Variants in ADCY5 observed in about 807,000 individuals in gnomAD.
ADCY5 encodes adenylate cyclase 5.
ADCY5 carries 30 observed loss-of-function variants against 119.7 expected under a neutral mutation model. That is an observed-to-expected ratio of 0.25 (90% confidence interval 0.19 to 0.34). The LOEUF (loss-of-function observed/expected upper bound fraction) is 0.34. Among genes scored for constraint, ADCY5 ranks in the 10% least tolerant of loss-of-function variants. The pLI is 1.00. For synonymous variants in ADCY5, 753 were observed against 762.2 expected (o/e 0.99, Z 0.20); for missense variants, 1,324 against 1,775.2 (o/e 0.75, Z 4.57).
intron 1 of ADCY5, among the ~76,000 whole-genome samples, chr3:123,408,528 C>T (rs977707127): frequency 1.3e-5 from 2 of 151,392 alleles, no homozygotes; most frequent in African/African-American, 4.9e-5. Flanking sequence ...CAGTGGCATG[C>T]GCCTGTAGTC....
intron 1 of ADCY5, among the ~76,000 whole-genome samples, chr3:123,362,089 C>T (rs1943267431): frequency 6.6e-6 from 1 of 152,158 alleles, no homozygotes; most frequent in African/African-American, 2.4e-5. Flanking sequence ...TGAATTGTGT[C>T]CACCTTTTGG....
chr3:123,398,289 C>A (rs913143628), intron 1 of ADCY5, among the ~76,000 whole-genome samples: 1 of 152,134 alleles, frequency 6.6e-6, no homozygotes. Context: ...CACACTTTGG[C>A]TGCAGAGTGA....
intron 1 of ADCY5, among the ~76,000 whole-genome samples, chr3:123,366,632 G>C (rs530007976): frequency 9.2e-5 from 14 of 152,302 alleles, no homozygotes; most frequent in Non-Finnish European, 1.6e-4. Context: ...TACACACCAC[G>C]AAACTTGGGG....
chr3:123,369,341 C>A (rs1286478668), intron 1 of ADCY5, among the ~76,000 whole-genome samples: 2 of 152,184 alleles, frequency 1.3e-5, no homozygotes, highest in African/African-American at 4.8e-5. Context: ...AGTTACCCAG[C>A]CTGTGGTGTT....
chr3:123,400,795 T>C (rs1944726900), intron 1 of ADCY5, among the ~76,000 whole-genome samples: 1 of 151,774 alleles, frequency 6.6e-6, no homozygotes, highest in Non-Finnish European at 1.5e-5. Flanking sequence ...AAATACAAAA[T>C]TAGCCAGGTG....
At chr3:123,405,506 G>A (rs1169629126) in intron 1 of ADCY5, among the ~76,000 whole-genome samples, 6 of 152,328 alleles carry the variant, frequency 3.9e-5, no homozygotes, top group South Asian at 2.1e-4. Flanking sequence ...GAGGGAGCAG[G>A]ACAGGAGGGG....
At position 123,447,989 on chromosome 3, in the gene ADCY5, T is replaced by A. The variant is rs1050835014; in HGVS notation, c.557A>T (p.Asp186Val). ...GCCCGAGTCCGCCGAGCTGCCGCCA[T>A]CCCCGGACCCCTCGCCGCCCTCGAC... Reference protein sequence around the residue: ...GAVEGGEGSGDGGSSADSGSG... With the variant: ...GAVEGGEGSGVGGSSADSGSG... Residue 186 changes from aspartate (D) to valine (V), a missense_variant, in exon 1 of 21, where the codon GAT (aspartate) becomes GTT (valine). By Grantham distance (152) the Asp-to-Val change is radical. Transcript: ENST00000462833. The A allele has an allele frequency of 2.2e-6, 3 of 1,338,760 alleles. No homozygotes were observed. The highest frequency in any genetic ancestry group is 2.9e-6 in the Non-Finnish European group (3 of 1,048,862). 82.9% of individuals were successfully genotyped at this position (1,338,760 alleles called of 1,614,324 possible).
chr3:123,378,733 AG>A (rs1304395976), intron 1 of ADCY5, among the ~76,000 whole-genome samples: 4 of 152,232 alleles, frequency 2.6e-5, no homozygotes, highest in African/African-American at 9.6e-5. Flanking sequence ...GCCCTGGCCT[AG>A]GAAACCAACC....
chr3:123,359,043 T>C (rs1370021650), intron 1 of ADCY5, among the ~76,000 whole-genome samples: 1 of 152,026 alleles, frequency 6.6e-6, no homozygotes, highest in African/African-American at 2.4e-5. Context: ...GAGAAATGCA[T>C]GGTTTTGGAG....
chr3:123,393,077 A>T (rs987286166), intron 1 of ADCY5, among the ~76,000 whole-genome samples: 1 of 152,196 alleles, frequency 6.6e-6, no homozygotes, highest in African/African-American at 2.4e-5. Flanking sequence ...AGGCAGGCAC[A>T]GAGGCCCATG....
At chr3:123,319,119 C>T (rs1429973908) in intron 10 of ADCY5, among the ~76,000 whole-genome samples, 1 of 152,024 alleles carries the variant, frequency 6.6e-6, no homozygotes, top group African/African-American at 2.4e-5. Context: ...TTTGGGAGAC[C>T]GAGGCGGGTG....
chr3:123,417,294 T>A (rs1318219498), intron 1 of ADCY5, among the ~76,000 whole-genome samples: 1 of 152,212 alleles, frequency 6.6e-6, no homozygotes, highest in Non-Finnish European at 1.5e-5. Flanking sequence ...TGGCTCTGCA[T>A]CTTCAGGAAG....
chr3:123,353,016 C>T (rs989722133), intron 1 of ADCY5, among the ~76,000 whole-genome samples: 12 of 152,192 alleles, frequency 7.9e-5, no homozygotes, highest in Non-Finnish European at 1.6e-4. Context: ...CAGAGATCAG[C>T]TCCGATGAAT....
At chr3:123,401,337 G>C (rs1944746331) in intron 1 of ADCY5, among the ~76,000 whole-genome samples, 2 of 152,202 alleles carry the variant, frequency 1.3e-5, no homozygotes, top group African/African-American at 4.8e-5. Context: ...AGCACCTGAG[G>C]GCTGGGGAAC....
In ADCY5 at chr3:123,320,790, A is replaced by C; in HGVS notation, c.2089-19T>G. 1 of 1,564,346 alleles carries C rather than the reference A, an allele frequency of 6.4e-7. No homozygotes were observed. On this transcript the variant is annotated intron_variant, in intron 8 of 20. Transcript: ENST00000462833. ...CAAAGCCCTAGAAGAGAAGGATAGA[A>C]AGAGAAAGAGAAGAGAATGAGAACA...
At chr3:123,342,542 C>T (rs771108715) in intron 3 of ADCY5, among the ~76,000 whole-genome samples, 1 of 152,148 alleles carries the variant, frequency 6.6e-6, no homozygotes, top group Non-Finnish European at 1.5e-5. Flanking sequence ...GGTGCCTGAT[C>T]CAAGTTGGTG....
In ADCY5 at chr3:123,352,714, C is replaced by T. The variant is rs568495506; in HGVS notation, c.1135-133G>A. The T allele has an allele frequency of 1.7e-5, 18 of 1,042,976 alleles. No homozygotes were observed. The highest frequency in any genetic ancestry group is 1.4e-4 in the African/African-American group (9 of 62,142). 64.6% of individuals were successfully genotyped at this position (1,042,976 alleles called of 1,614,324 possible). On this transcript the variant is annotated intron_variant, in intron 1 of 20. Coordinates refer to ENST00000462833, the MANE Select transcript of ADCY5 (RefSeq NM_183357.3). This position sits in a 1 kb window ranked among gnomAD's most constrained non-coding sequence, Gnocchi z 4.8. The stretch of plus-strand genomic sequence containing the variant: ...ACAAATGCTGAGGGCACCCCACACG[C>T]GGCCAACCACTGTGAGCAGCCGAGC...
chr3:123,345,013 AC>A (rs1401623701), intron 3 of ADCY5, among the ~76,000 whole-genome samples: 3 of 152,076 alleles, frequency 2.0e-5, no homozygotes, highest in Non-Finnish European at 2.9e-5. Context: ...AGAGAGAAAT[AC>A]CCCCACTGTG....
chr3:123,327,852 C>A, intron 6 of ADCY5, 93 bp from the exon 7 acceptor site: 1 of 1,432,818 alleles, frequency 7.0e-7, no homozygotes, highest in Non-Finnish European at 9.6e-7. Flanking sequence ...TTAGTGGGTT[C>A]ACCACAATTC....
Sources: allele counts gnomAD v4.1 joint callset (sites outside exome capture counted in the v4.1 genomes callset), GRCh38; gene constraint gnomAD v4.1.1; non-coding constraint Gnocchi (gnomAD v3.1); transcripts MANE v1.5; gene names NCBI Gene and HGNC (gene_info 2026-07-23, HGNC 2026-07-21).